FAXC: variants seen among roughly 807,000 people sequenced by gnomAD.
The protein encoded by FAXC is failed axon connections homolog.
Under a neutral mutation model 41.9 loss-of-function variants are expected in FAXC, and 10 were observed. The ratio of observed to expected loss-of-function variants is 0.24; its 90% CI spans 0.15 to 0.41. The LOEUF (loss-of-function observed/expected upper bound fraction) is 0.41. Among genes scored for constraint, FAXC ranks in the 10% least tolerant of loss-of-function variants. The pLI, the probability that FAXC is intolerant of heterozygous loss-of-function variation, is 1.00. For synonymous variants in FAXC, 183 were observed against 183.8 expected (o/e 1.00, Z 0.03); for missense variants, 399 against 510.9 (o/e 0.78, Z 2.11).
intron 4 of FAXC, among the ~76,000 whole-genome samples, chr6:99,305,110 T>C (rs772218791): frequency 3.3e-5 from 5 of 151,754 alleles, no homozygotes; most frequent in East Asian, 3.9e-4. Flanking sequence ...GAAGATGAGG[T>C]TGGAGATGTG....
rs996939889 is a variant in FAXC at position 99,275,620 on chromosome 6, C to G, written c.*5544G>C. 1 of 152,190 alleles carries G rather than the reference C, an allele frequency of 6.6e-6. No homozygotes were observed. Among genetic ancestry groups the G allele is most frequent in the Non-Finnish European group, 1.5e-5 (1 of 68,028 alleles). The allele number at this position is 152,190 out of a possible 1,614,324, so 9.4% of individuals were successfully genotyped here. ...GGAGGTCACCCTGTCAGCTCCAAAA[C>G]AGCTGAACCCCTTTTTTTTAAATCT... On this transcript the variant is annotated 3_prime_UTR_variant, in exon 6 of 6. Coordinates refer to ENST00000389677, the MANE Select transcript of FAXC (RefSeq NM_032511.4).
At chr6:99,283,627 T>C (rs1770912268) in intron 5 of FAXC, among the ~76,000 whole-genome samples, 1 of 152,208 alleles carries the variant, frequency 6.6e-6, no homozygotes, top group Admixed American at 6.5e-5. Context: ...TTTGAGGAGA[T>C]GCAGCATGGA....
chr6:99,309,907 T>C (rs1401996187), intron 4 of FAXC: 1 of 984,836 alleles, frequency 1.0e-6, no homozygotes, highest in African/African-American at 1.7e-5. Context: ...TTCTGGCATG[T>C]GACATTAACA....
intron 2 of FAXC, among the ~76,000 whole-genome samples, chr6:99,335,244 G>T (rs918554521): frequency 4.6e-5 from 7 of 152,100 alleles, no homozygotes; most frequent in African/African-American, 1.7e-4. Flanking sequence ...AATAAAAATT[G>T]TAGAAAGTAA....
rs1770817826 is a variant in FAXC at position 99,281,189 on chromosome 6, T to G, written c.1205A>C (p.Tyr402Ser). Reference sequence around the variant, plus strand: ...TCACTTGCACTGTTCGTGGTCTGTATAGTCATCCATGTCCACATCCGAATC... The same window carrying G: ...TCACTTGCACTGTTCGTGGTCTGTAGAGTCATCCATGTCCACATCCGAATC... The part of the protein sequence containing the change: ...LFDSDVDMDD[Y>S]TDHEQCK Residue 402 changes from tyrosine (Y) to serine (S), a missense_variant, in exon 6 of 6, where the codon TAT (tyrosine) becomes TCT (serine). By Grantham distance (144) the Tyr-to-Ser change is moderately radical (BLOSUM62 -2). This residue lies in a region of FAXC where 92 missense variants were observed against 94.9 expected (regional missense o/e 0.97). Coordinates refer to ENST00000389677, the MANE Select transcript of FAXC (RefSeq NM_032511.4). 6.7e-7 allele frequency: 1 copy of G among 1,502,792 alleles called. No individual in the cohort carries two copies. The highest frequency in any genetic ancestry group is 9.3e-7 in the Non-Finnish European group (1 of 1,078,596). The allele number at this position is 1,502,792 out of a possible 1,614,324, so 93.1% of individuals were successfully genotyped here. A position where few individuals can be genotyped will look rare whatever the true frequency, so the allele number is the denominator to read the frequency against.
chr6:99,342,907 T>C lies in FAXC; in HGVS notation c.393A>G (p.Leu131=), dbSNP rs200740154. 1.0e-5 allele frequency: 16 copies of C among 1,605,590 alleles called. No individual in the cohort carries two copies. The highest frequency in any genetic ancestry group is 1.7e-5 in the Admixed American group (1 of 57,672). The change falls in exon 2 of 6, where the codon TTA becomes TTG. Residue 131 remains leucine (L), a synonymous_variant. Coordinates refer to ENST00000389677, the MANE Select transcript of FAXC (RefSeq NM_032511.4). The part of the protein sequence containing the change: ...KMETYLRMAD[L]PYQNYFGGKL... ...ATTTGCACACAAGTACCTGATACGG[T>C]AAGTCAGCCATCCTTAAATAAGTTT...
chr6:99,321,985 T>C (rs952886456), intron 4 of FAXC, among the ~76,000 whole-genome samples: 4 of 152,120 alleles, frequency 2.6e-5, no homozygotes, highest in Admixed American at 6.5e-5. Flanking sequence ...GACATAGCCA[T>C]TGTTAAGGAG....
rs1052041750 is a variant in FAXC, at chr6:99,280,408, T to C, written c.*756A>G. Reference sequence around the variant, plus strand: ...GCATGAAGTGCAATAAAGAATAAAATGCTGTGTTTATGTCGCACCACTTCT... The same window carrying C: ...GCATGAAGTGCAATAAAGAATAAAACGCTGTGTTTATGTCGCACCACTTCT... On this transcript the variant is annotated 3_prime_UTR_variant, in exon 6 of 6. Coordinates refer to ENST00000389677, the MANE Select transcript of FAXC (RefSeq NM_032511.4). 3.9e-5 allele frequency: 6 copies of C among 152,362 alleles called. No individual in the cohort carries two copies. The highest frequency in any genetic ancestry group is 4.1e-4 in the South Asian group (2 of 4,826). 9.4% of individuals were successfully genotyped at this position (152,362 alleles called of 1,614,324 possible).
At chr6:99,328,409 G>A (rs1772898810) in intron 3 of FAXC, among the ~76,000 whole-genome samples, 1 of 152,172 alleles carries the variant, frequency 6.6e-6, no homozygotes, top group Non-Finnish European at 1.5e-5. Context: ...GACCATCTAT[G>A]AGTCAGGAAG....
At position 99,281,431 on chromosome 6, in the gene FAXC, C is replaced by T; in HGVS notation, c.963G>A (p.Met321Ile). 2 of 1,613,812 alleles carry T rather than the reference C, an allele frequency of 1.2e-6. No individual in the cohort carries two copies. The highest frequency in any genetic ancestry group is 8.5e-7 in the Non-Finnish European group (1 of 1,179,766). The change falls in exon 6 of 6, where the codon ATG (methionine) becomes ATA (isoleucine). Residue 321 changes from methionine (M) to isoleucine (I), a missense_variant. This residue lies in a region of FAXC where 239 missense variants were observed against 352.7 expected (regional missense o/e 0.68). Coordinates refer to ENST00000389677, the MANE Select transcript of FAXC (RefSeq NM_032511.4). The stretch of plus-strand genomic sequence containing the variant: ...ATTTCCTCCTTATCCTCTCACAGTA[C>T]ATGGCAAGGTTGATCAGCTCACCTG... ...LIKGELINLAMYCERIRRKFW... is the reference protein window; with the variant it reads ...LIKGELINLAIYCERIRRKFW...
intron 4 of FAXC, among the ~76,000 whole-genome samples, chr6:99,322,710 C>T (rs1582666114): frequency 2.0e-5 from 3 of 152,166 alleles, no homozygotes; most frequent in Admixed American, 6.5e-5. Context: ...GAATTGTCAT[C>T]GCTATGAATC....
chr6:99,340,089 T>C (rs1468897970), intron 2 of FAXC, among the ~76,000 whole-genome samples: 1 of 152,036 alleles, frequency 6.6e-6, no homozygotes, highest in Non-Finnish European at 1.5e-5. Context: ...GAAAGAAGAA[T>C]GAGATTAACA....
chr6:99,272,606 T>G lies in FAXC; in HGVS notation c.*8558A>C, dbSNP rs1299721064. ...CTCTACCAGTGGTTCTCACACTTCG[T>G]AACACTCTGAGGCACACTGGGCATG... On this transcript the variant is annotated 3_prime_UTR_variant, in exon 6 of 6. Transcript: ENST00000389677. The G allele has an allele frequency of 6.6e-6, 1 of 152,192 alleles. No individual in the cohort carries two copies. The highest frequency in any genetic ancestry group is 1.5e-5 in the Non-Finnish European group (1 of 68,060). 9.4% of individuals were successfully genotyped at this position (152,192 alleles called of 1,614,324 possible). A position where few individuals can be genotyped will look rare whatever the true frequency, so the allele number is the denominator to read the frequency against.
chr6:99,335,526 G>A (rs1490149958), intron 2 of FAXC, among the ~76,000 whole-genome samples: 1 of 152,178 alleles, frequency 6.6e-6, no homozygotes, highest in Non-Finnish European at 1.5e-5. Flanking sequence ...TACCTATTTA[G>A]GAAAGTTTTA....
intron 4 of FAXC, among the ~76,000 whole-genome samples, chr6:99,313,415 A>G (rs993384492): frequency 3.3e-5 from 5 of 152,102 alleles, no homozygotes; most frequent in African/African-American, 9.7e-5. Context: ...TTAAGTATTC[A>G]CTTTTCTTAT....
chr6:99,298,996 G>C (rs1441539754), intron 4 of FAXC, among the ~76,000 whole-genome samples: 1 of 152,066 alleles, frequency 6.6e-6, no homozygotes, highest in African/African-American at 2.4e-5. Flanking sequence ...TGCTTAGATG[G>C]TTCCTTATAC....
At chr6:99,301,732 T>G (rs906630047) in intron 4 of FAXC, among the ~76,000 whole-genome samples, 25 of 152,188 alleles carry the variant, frequency 1.6e-4, no homozygotes, top group African/African-American at 5.8e-4. Flanking sequence ...TTCTACAAGA[T>G]GTAAAACCTT....
chr6:99,303,724 C>T (rs1582640669), intron 4 of FAXC, among the ~76,000 whole-genome samples: 1 of 152,334 alleles, frequency 6.6e-6, no homozygotes, highest in South Asian at 2.1e-4. Context: ...AAAACAGTTT[C>T]ATTCAAGACT....
rs77762345 is a variant in FAXC, at chr6:99,334,969, C to G, written c.403-1422G>C. ...CCTCCCTGACTTTATGCACTCTTCA[C>G]CTTTTACAAGAATCCTTTTCTCCAC... On this transcript the variant is annotated intron_variant, in intron 2 of 5. Coordinates refer to ENST00000389677, the MANE Select transcript of FAXC (RefSeq NM_032511.4). Among the ~76,000 whole-genome samples, 256 of 152,262 alleles carry G rather than the reference C, an allele frequency of 1.7e-3. 3 individuals carry two copies. Among genetic ancestry groups the G allele is most frequent in the African/African-American group, 5.9e-3 (246 of 41,538 alleles).
Sources: gnomAD v4.1 joint callset for allele counts (sites outside exome capture counted in the v4.1 genomes callset) on GRCh38, gnomAD v4.1.1 for gene constraint, gnomAD v4.1.1 regional missense constraint, MANE v1.5 for transcripts, NCBI Gene and HGNC (gene_info 2026-07-23, HGNC 2026-07-21) for gene names.